The following URB1 variants were observed in gnomAD, a reference collection of about 807,000 sequenced individuals.
URB1 encodes URB1 ribosome biogenesis factor, also known as nucleolar pre-ribosomal-associated protein 1.
In URB1, 197 loss-of-function variants were observed where a neutral mutation model predicts 242.3. The observed-to-expected ratio is 0.81, with a 90% CI of 0.72 to 0.91. The LOEUF is 0.91. Ranked by LOEUF, URB1 falls within the 40% of genes least tolerant of loss-of-function variation. The pLI is 0.00. For missense variants in URB1, 2,721 were observed against 2,860.5 expected (o/e 0.95, Z 1.11); for synonymous variants, 1,153 against 1,201.8 (o/e 0.96, Z 0.84).
At chr21:32,381,182 C>A in intron 4 of URB1, among the ~76,000 whole-genome samples, 1 of 152,210 alleles carries the variant, frequency 6.6e-6, no homozygotes, top group East Asian at 1.9e-4. Flanking sequence ...AAGTGGACCA[C>A]ATGCCTGCTC....
In URB1 at chr21:32,363,413, T is replaced by C; in HGVS notation, c.1336-84A>G. ...TATGGGCTTGGCTGGCATTTGCCCC[T>C]CCTCAGGTCACTCACAGGGAAAGCT... is the stretch of plus-strand genomic sequence containing the variant. On this transcript the variant is annotated intron_variant, in intron 10 of 38. Coordinates refer to ENST00000382751, the MANE Select transcript of URB1 (RefSeq NM_014825.3). 13 of 1,453,496 alleles carry C rather than the reference T, an allele frequency of 8.9e-6. 2 individuals carry two copies. The South Asian group carries it at 1.6e-4, about 18-fold the overall frequency. The allele number at this position is 1,453,496 out of a possible 1,614,324, so 90.0% of individuals were successfully genotyped here.
chr21:32,316,615 A>T lies in URB1; in HGVS notation c.6485T>A (p.Leu2162Gln), dbSNP rs1197433496. ...GGCCACCTCCTGCACAGGCCCTGCCAGCCCCTCAGCCCCACAGAGCCGGCT... is the reference window on the plus strand; with the variant it reads ...GGCCACCTCCTGCACAGGCCCTGCCTGCCCCTCAGCCCCACAGAGCCGGCT... ...LYSRLCGAEG[L>Q]AGPVQEVACL... The change falls in exon 38 of 39, where the codon CTG (leucine) becomes CAG (glutamine). Residue 2162 changes from leucine to glutamine, a missense_variant. By Grantham distance (113) the Leu-to-Gln change is moderately radical. Transcript: ENST00000382751. 3.2e-6 allele frequency: 5 copies of T among 1,551,572 alleles called. No individual in the cohort carries two copies. Among genetic ancestry groups the T allele is most frequent in the Non-Finnish European group, 4.4e-6 (5 of 1,146,980 alleles).
At chr21:32,339,805 T>C (rs1041526676) in intron 25 of URB1, among the ~76,000 whole-genome samples, 2 of 151,804 alleles carry the variant, frequency 1.3e-5, no homozygotes, top group Non-Finnish European at 2.9e-5. Context: ...GCATTTGTTT[T>C]CTTTATGACT....
At chr21:32,385,517 T>C in intron 2 of URB1, 28 bp downstream of exon 2, 1 of 1,543,026 alleles carries the variant, frequency 6.5e-7, no homozygotes, top group Non-Finnish European at 8.7e-7. Flanking sequence ...TTTCTTCTCT[T>C]CATCAAGCCA....
intron 1 of URB1, among the ~76,000 whole-genome samples, chr21:32,387,181 C>T (rs548666101): frequency 6.6e-6 from 1 of 152,316 alleles, no homozygotes; most frequent in African/African-American, 2.4e-5. Context: ...CTCCCCTCCC[C>T]TACCACTGAC....
intron 10 of URB1, 24 bp downstream of exon 10, chr21:32,366,594 A>G (rs1371852696): frequency 1.9e-6 from 3 of 1,550,438 alleles, no homozygotes; most frequent in South Asian, 2.4e-5. Context: ...CAGTTCCAGA[A>G]GTGGGGCAAC....
chr21:32,377,274 A>G, intron 5 of URB1: 1 of 516,026 alleles, frequency 1.9e-6, no homozygotes, highest in Non-Finnish European at 3.9e-6. Context: ...GGCATGGGGT[A>G]CTATGAGAGG....
intron 3 of URB1, among the ~76,000 whole-genome samples, chr21:32,383,759 T>C (rs2033552382): frequency 6.6e-6 from 1 of 151,498 alleles, no homozygotes; most frequent in Admixed American, 6.6e-5. Flanking sequence ...TAAAACTAAG[T>C]AGGATTAACA....
chr21:32,359,092 C>T (rs935323066), intron 14 of URB1, among the ~76,000 whole-genome samples: 3 of 152,146 alleles, frequency 2.0e-5, no homozygotes, highest in Non-Finnish European at 2.9e-5. Flanking sequence ...GGAAATGTCG[C>T]GTGTAGAAAT....
rs568470268 is a variant in URB1, at chr21:32,359,979, CAGA to C, written c.1757-74_1757-72del. On this transcript the variant is annotated intron_variant, in intron 13 of 38. Transcript: ENST00000382751. The stretch of plus-strand genomic sequence containing the variant: ...GGTGCCCAACAATTGCTGCCCTGGC[CAGA>C]AGGACAAGGAACTCACCATGGAGAA... 9.8e-5 allele frequency: 136 copies of C among 1,388,534 alleles called. 3 individuals are homozygous for C. In the South Asian group the frequency reaches 1.6e-3, roughly 16 times the overall value. 86.0% of individuals were successfully genotyped at this position (1,388,534 alleles called of 1,614,324 possible). A position where few individuals can be genotyped will look rare whatever the true frequency, so the allele number is the denominator to read the frequency against.
intron 14 of URB1, among the ~76,000 whole-genome samples, 188 bp from the exon 15 acceptor site, chr21:32,357,844 A>G (rs558714047): frequency 4.3e-4 from 66 of 152,314 alleles, no homozygotes; most frequent in Admixed American, 2.3e-3. Context: ...CCTGGCCAAC[A>G]TGGCGAAACC....
chr21:32,383,261 C>G (rs904441107), intron 4 of URB1, among the ~76,000 whole-genome samples, 161 bp downstream of exon 4: 2 of 152,220 alleles, frequency 1.3e-5, no homozygotes, highest in African/African-American at 4.8e-5. Flanking sequence ...CGAGTCCTGT[C>G]CTCACAGACA....
chr21:32,347,049 G>A lies in URB1; in HGVS notation c.3775C>T (p.Leu1259Phe). Reference protein sequence around the residue: ...EQWCLQAGPGLGLQGDLDDFL... With the variant: ...EQWCLQAGPGFGLQGDLDDFL... ...TCGTCCAGGTCCCCCTGGAGGCCGA[G>A]CCCTGGGCCAGCCTGCAGGCACCAC... Residue 1259 changes from leucine (L) to phenylalanine (F), a missense_variant, in exon 22 of 39, where the codon CTC (leucine) becomes TTC (phenylalanine). Leu to Phe is a conservative substitution (Grantham distance 22). Transcript: ENST00000382751. 7 of 1,550,176 alleles carry A rather than the reference G, an allele frequency of 4.5e-6. No individual in the cohort carries two copies. The highest frequency in any genetic ancestry group is 6.1e-6 in the Non-Finnish European group (7 of 1,146,214).
At position 32,355,558 on chromosome 21, in the gene URB1, C is replaced by T. The variant is rs771442071; in HGVS notation, c.1997G>A (p.Arg666Gln). Residue 666 changes from arginine (R) to glutamine (Q), a missense_variant, in exon 16 of 39, where the codon CGG becomes CAG. Coordinates refer to ENST00000382751, the MANE Select transcript of URB1 (RefSeq NM_014825.3). ...GGTGTGCTCAAACACCCCCGTGTCC[C>T]GCAGAATCTGCCAGGAAGTAGGCAC... ...LTKLLIMKIL[R>Q]DTGVFEHTWK... The T allele has an allele frequency of 1.3e-5, 20 of 1,551,552 alleles. No homozygotes were observed. Among genetic ancestry groups the T allele is most frequent in the South Asian group, 5.9e-5 (5 of 84,070 alleles).
intron 1 of URB1, among the ~76,000 whole-genome samples, chr21:32,392,382 A>G (rs911390115): frequency 2.6e-5 from 4 of 152,178 alleles, no homozygotes; most frequent in Non-Finnish European, 2.9e-5. Context: ...AACGGTGCTG[A>G]CGGCCCAAGG....
In URB1 at chr21:32,385,650, T is replaced by C. The variant is rs781661468; in HGVS notation, c.177A>G (p.Leu59=). The stretch of plus-strand genomic sequence containing the variant: ...CAACATCATACACATCTTCTCGTGG[T>C]AGCTTCTTGGCAGCAGACACAAACG... The part of the protein sequence containing the change: ...LEAFVSAAKK[L]PREDVYDVVE... Residue 59 remains leucine (L), a synonymous_variant, in exon 2 of 39, where the codon CTA becomes CTG. Transcript: ENST00000382751. 14 of 1,551,634 alleles carry C rather than the reference T, an allele frequency of 9.0e-6. No homozygotes were observed. The highest frequency in any genetic ancestry group is 1.2e-5 in the Non-Finnish European group (14 of 1,146,982).
chr21:32,317,604 G>A, intron 37 of URB1, 72 bp downstream of exon 37: 1 of 1,515,988 alleles, frequency 6.6e-7, no homozygotes, highest in Non-Finnish European at 8.9e-7. Flanking sequence ...GAGACAGAGA[G>A]AGAGGGAGGG....
In URB1 at chr21:32,319,378, G is replaced by A. The variant is rs1364080102; in HGVS notation, c.5631C>T (p.Ser1877=). The A allele has an allele frequency of 1.3e-6, 2 of 1,546,090 alleles. No individual in the cohort carries two copies. Among genetic ancestry groups the A allele is most frequent in the Non-Finnish European group, 1.7e-6 (2 of 1,145,080 alleles). ...LETPLLSNVI[S]LLHTLWVTNL... ...TGGTCACCCACAGTGTGTGTAGCAA[G>A]GAGATCACATTAGACAGCAGCGGAG... The change falls in exon 36 of 39, where the codon TCC becomes TCT. Residue 1877 remains serine, a synonymous_variant. Coordinates refer to ENST00000382751, the MANE Select transcript of URB1 (RefSeq NM_014825.3).
At chr21:32,329,438 T>C (rs1246042992) in intron 30 of URB1, among the ~76,000 whole-genome samples, 1 of 152,216 alleles carries the variant, frequency 6.6e-6, no homozygotes, top group Non-Finnish European at 1.5e-5. Context: ...TCTGGTCATC[T>C]AGTGATGAGG....
Sources: gnomAD v4.1 joint callset for allele counts (sites outside exome capture counted in the v4.1 genomes callset) on GRCh38, gnomAD v4.1.1 for gene constraint, MANE v1.5 for transcripts, NCBI Gene and HGNC (gene_info 2026-07-23, HGNC 2026-07-21) for gene names.